Variants in WNK1 observed in about 807,000 individuals in gnomAD.
WNK1 encodes the protein serine/threonine-protein kinase WNK1.
A neutral mutation model predicts 222.8 loss-of-function variants in WNK1; 38 were observed. The observed-to-expected ratio is 0.17, with a 90% CI of 0.13 to 0.22. WNK1 has a LOEUF of 0.22. Among genes scored for constraint, WNK1 ranks in the 10% least tolerant of loss-of-function variants. The probability of loss-of-function intolerance (pLI) is 1.00; values close to 1 mark genes in which losing one functional copy is unlikely to be tolerated. For synonymous variants in WNK1, 1,090 were observed against 1,092.9 expected, an observed-to-expected ratio of 1.00 and a Z score of 0.05; for missense variants, 2,348 against 2,918.4, an observed-to-expected ratio of 0.80 and a Z score of 4.50.
At chr12:890,067 C>T (rs1954068427) in intron 21 of WNK1, among the ~76,000 whole-genome samples, 2 of 151,456 alleles carry the variant, frequency 1.3e-5, no homozygotes. Flanking sequence ...ATTCTTCTAC[C>T]TCAGCCTCCC....
chr12:907,714 C>CT, intron 26 of WNK1, 133 bp from the exon 27 acceptor site: 1 of 1,069,260 alleles, frequency 9.4e-7, no homozygotes, highest in Non-Finnish European at 1.4e-6. Context: ...TGGAATCTTC[C>CT]CTCTTGCATG....
intron 1 of WNK1, among the ~76,000 whole-genome samples, chr12:802,641 T>A (rs1945998186): frequency 6.6e-6 from 1 of 152,212 alleles, no homozygotes; most frequent in African/African-American, 2.4e-5. Context: ...ATCCTTTACT[T>A]AATTTTCAGT....
At chr12:904,989 G>A (rs1955579875) in intron 26 of WNK1, among the ~76,000 whole-genome samples, 1 of 152,186 alleles carries the variant, frequency 6.6e-6, no homozygotes, top group African/African-American at 2.4e-5. Flanking sequence ...AGTGTTGTAG[G>A]TAGGGTCAAC....
chr12:868,582 T>G (rs960796732), intron 8 of WNK1: 2 of 1,614,020 alleles, frequency 1.2e-6, no homozygotes, highest in South Asian at 2.2e-5. Flanking sequence ...ATTCTGCGCC[T>G]GCTGTGTTAA....
chr12:752,616 G>A lies in WNK1; in HGVS notation c.-950G>A, dbSNP rs1166800124. ...CCATTTAGCGCGGAGAGTTTCCCGG[G>A]TGGACGCGGCTCCTCTCTCGGCCAC... is the stretch of plus-strand genomic sequence containing the variant. On this transcript the variant is annotated 5_prime_UTR_variant, in exon 1 of 28. In the 5' UTR this introduces an upstream ATG that the reference lacks. Transcript: ENST00000315939. The A allele has an allele frequency of 6.6e-6, 1 of 152,298 alleles. No individual in the cohort carries two copies. Among genetic ancestry groups the A allele is most frequent in the Non-Finnish European group, 1.5e-5 (1 of 68,146 alleles). The allele number at this position is 152,298 out of a possible 1,614,324, so 9.4% of individuals were successfully genotyped here.
chr12:796,065 G>C (rs771006859), intron 1 of WNK1, among the ~76,000 whole-genome samples: 69 of 152,056 alleles, frequency 4.5e-4, no homozygotes, highest in Non-Finnish European at 5.6e-4. Flanking sequence ...GTAGAGACAG[G>C]GTTTCACCAT....
intron 1 of WNK1, among the ~76,000 whole-genome samples, chr12:775,460 C>T (rs1374121283): frequency 6.6e-6 from 1 of 152,142 alleles, no homozygotes; most frequent in Non-Finnish European, 1.5e-5. Context: ...GTAATCCCAG[C>T]ACTTTGGGAG....
In WNK1 at chr12:880,363, C is replaced by T. The variant is rs921790892; in HGVS notation, c.2832+332C>T. Among the ~76,000 whole-genome samples the T allele has an allele frequency of 8.5e-5, 13 of 152,202 alleles. 1 individual carries two copies. In the South Asian group the frequency reaches 2.3e-3, roughly 27 times the overall value. On this transcript the variant is annotated intron_variant, in intron 11 of 27. Transcript: ENST00000315939. ...CCAACATGGTATCAACAAAAAGCTT[C>T]GGGGTTTAGACTGGGAAAATTAGCA... is the stretch of plus-strand genomic sequence containing the variant.
At chr12:904,481 C>T in intron 26 of WNK1, 2 of 1,289,138 alleles carry the variant, frequency 1.6e-6, no homozygotes, top group South Asian at 1.2e-5. Context: ...TCTGTCCTTG[C>T]AACCAGCTCT....
At chr12:871,161 A>G in intron 8 of WNK1, 104 bp from the exon 9 acceptor site, 2 of 1,116,876 alleles carry the variant, frequency 1.8e-6, no homozygotes, top group Non-Finnish European at 1.3e-6. Context: ...TTTCATTTTG[A>G]TCAAGCAAAC....
chr12:758,135 G>C (rs1285533505), intron 1 of WNK1, among the ~76,000 whole-genome samples: 1 of 146,236 alleles, frequency 6.8e-6, no homozygotes, highest in Non-Finnish European at 1.5e-5. Flanking sequence ...CCTCTGAAGA[G>C]TTCACATGAT....
intron 1 of WNK1, among the ~76,000 whole-genome samples, chr12:806,448 T>C (rs571851446): frequency 6.6e-6 from 1 of 152,356 alleles, no homozygotes; most frequent in African/African-American, 2.4e-5. Context: ...AATCCTTTCG[T>C]AACAAGTGCC....
chr12:878,558 A>G (rs1952832336), intron 10 of WNK1, among the ~76,000 whole-genome samples, 197 bp downstream of exon 10: 1 of 152,108 alleles, frequency 6.6e-6, no homozygotes, highest in Non-Finnish European at 1.5e-5. Context: ...GCATTATTTA[A>G]TGTAAATGGG....
At chr12:783,633 CAAA>C (rs1231127359) in intron 1 of WNK1, among the ~76,000 whole-genome samples, 1 of 90,578 alleles carries the variant, frequency 1.1e-5, no homozygotes, top group Non-Finnish European at 2.2e-5. Flanking sequence ...CTGTCTCCAC[CAAA>C]AAAAAAAAAA....
chr12:900,323 C>A, intron 25 of WNK1, 153 bp from the exon 26 acceptor site: 2 of 782,308 alleles, frequency 2.6e-6, no homozygotes, highest in Non-Finnish European at 2.2e-6. Context: ...CTCACTTCTC[C>A]CGTTAGTGAG....
At chr12:878,116 A>C (rs1952792370) in intron 9 of WNK1, 96 bp from the exon 10 acceptor site, 1 of 1,481,904 alleles carries the variant, frequency 6.7e-7, no homozygotes, top group South Asian at 1.2e-5. Context: ...AATCATCATT[A>C]TTTACAGACA....
intron 4 of WNK1, among the ~76,000 whole-genome samples, chr12:842,615 T>G (rs771284262): frequency 6.6e-6 from 1 of 152,202 alleles, no homozygotes; most frequent in Non-Finnish European, 1.5e-5. Flanking sequence ...GTCCGTAAAA[T>G]GTTTCAAGAC....
At chr12:791,081 AG>A (rs1003158416) in intron 1 of WNK1, among the ~76,000 whole-genome samples, 7 of 152,236 alleles carry the variant, frequency 4.6e-5, no homozygotes, top group African/African-American at 1.4e-4. Flanking sequence ...TATTTGAAAA[AG>A]GGGGTATAAA....
At chr12:791,252 CACACAT>C (rs1944806008) in intron 1 of WNK1, among the ~76,000 whole-genome samples, 1 of 151,570 alleles carries the variant, frequency 6.6e-6, no homozygotes. Flanking sequence ...CACACACACA[CACACAT>C]ACACAAAATT....
Sources: allele counts gnomAD v4.1 joint callset (sites outside exome capture counted in the v4.1 genomes callset), GRCh38; gene constraint gnomAD v4.1.1; transcripts MANE v1.5; gene names NCBI Gene and HGNC (gene_info 2026-07-23, HGNC 2026-07-21).